The following NAV2 variants were observed in gnomAD, a reference collection of about 807,000 sequenced individuals.
The protein encoded by NAV2 is helicase, APC down-regulated 1.
NAV2 carries 54 observed loss-of-function variants against 223.2 expected under a neutral mutation model. The observed-to-expected ratio is 0.24, with a 90% CI of 0.19 to 0.30. The LOEUF is 0.30. Among genes scored for constraint, NAV2 ranks in the 10% least tolerant of loss-of-function variants. The pLI, the probability that NAV2 is intolerant of heterozygous loss-of-function variation, is 1.00. For missense variants in NAV2, 2,806 were observed against 3,147.5 expected, an observed-to-expected ratio of 0.89 and a Z score of 2.60; for synonymous variants, 1,279 against 1,239.3, an observed-to-expected ratio of 1.03 and a Z score of -0.67.
At chr11:19,751,910 C>T (rs922240950) in intron 1 of NAV2, among the ~76,000 whole-genome samples, 1 of 152,138 alleles carries the variant, frequency 6.6e-6, no homozygotes, top group African/African-American at 2.4e-5. Flanking sequence ...TGGTCAACTA[C>T]TAGCTCACAC....
In NAV2 at chr11:20,044,107, C is replaced by T. The variant is rs2153583430; in HGVS notation, c.3034C>T (p.Pro1012Ser). 1 of 1,614,200 alleles carries T rather than the reference C, an allele frequency of 6.2e-7. No homozygotes were observed. The highest frequency in any genetic ancestry group is 8.5e-7 in the Non-Finnish European group (1 of 1,180,028). ...GCCAGGTTCCAAGTGGAGGCGGAAT[C>T]CTTCTGATGTGTCTGACGAGTCCGA... ...MEPGSKWRRN[P>S]SDVSDESDKS... is the part of the protein sequence containing the mutation. Residue 1012 changes from proline to serine, a missense_variant, in exon 13 of 38, where the codon CCT (proline) becomes TCT (serine). Transcript: ENST00000349880.
At chr11:19,722,931 T>C (rs1020890669) in intron 1 of NAV2, among the ~76,000 whole-genome samples, 1 of 152,340 alleles carries the variant, frequency 6.6e-6, no homozygotes. Context: ...CGGAGGCAGA[T>C]TCCTTTGCAC....
At chr11:19,990,035 T>C (rs2051172284) in intron 11 of NAV2, among the ~76,000 whole-genome samples, 1 of 152,142 alleles carries the variant, frequency 6.6e-6, no homozygotes, top group African/African-American at 2.4e-5. Flanking sequence ...GCAAAATGAT[T>C]CACATTAAGA....
At chr11:19,578,586 G>A (rs557226760) in intron 1 of NAV2, among the ~76,000 whole-genome samples, 1 of 152,318 alleles carries the variant, frequency 6.6e-6, no homozygotes, top group Admixed American at 6.5e-5. Flanking sequence ...TGCCCTGGAG[G>A]TCAGTTCCTC....
intron 1 of NAV2, among the ~76,000 whole-genome samples, chr11:19,358,246 G>C (rs1169444786): frequency 2.6e-5 from 4 of 152,198 alleles, no homozygotes; most frequent in Non-Finnish European, 5.9e-5. Flanking sequence ...TTACAACGCA[G>C]CTTCTTCCAA....
chr11:19,943,337 C>CACAT (rs2046563463), intron 8 of NAV2, among the ~76,000 whole-genome samples: 1 of 151,798 alleles, frequency 6.6e-6, no homozygotes, highest in Non-Finnish European at 1.5e-5. Context: ...TTTAAAAAAA[C>CACAT]ACATACATAT....
At chr11:19,517,894 C>T (rs539773298) in intron 1 of NAV2, among the ~76,000 whole-genome samples, 2 of 152,350 alleles carry the variant, frequency 1.3e-5, no homozygotes, top group South Asian at 4.1e-4. Context: ...AACAACTTTG[C>T]ATTAAGATGG....
chr11:19,492,585 G>A (rs2042666284), intron 1 of NAV2, among the ~76,000 whole-genome samples: 1 of 151,936 alleles, frequency 6.6e-6, no homozygotes, highest in Non-Finnish European at 1.5e-5. Flanking sequence ...CCACTTCATG[G>A]GGCACAGTAT....
At chr11:19,610,784 AGATGGATGGATGGATGGGGCAGTG>A (rs2046617576) in intron 1 of NAV2, among the ~76,000 whole-genome samples, 1 of 151,716 alleles carries the variant, frequency 6.6e-6, no homozygotes, top group East Asian at 1.9e-4. Context: ...GTGGATGGAC[AGATGGATGGATGGATGGGGCAGTG>A]GATGGATGGA....
At chr11:19,891,388 C>G (rs1397782487) in intron 5 of NAV2, among the ~76,000 whole-genome samples, 1 of 152,146 alleles carries the variant, frequency 6.6e-6, no homozygotes, top group Non-Finnish European at 1.5e-5. Context: ...TTCCCTGGAC[C>G]AAAATCCTGA....
chr11:19,728,668 A>G (rs932437230), intron 1 of NAV2, among the ~76,000 whole-genome samples: 2 of 152,220 alleles, frequency 1.3e-5, no homozygotes, highest in African/African-American at 4.8e-5. Flanking sequence ...AAATGCGATC[A>G]TGTGGATGAG....
chr11:20,021,133 G>A (rs956764668), intron 11 of NAV2, among the ~76,000 whole-genome samples: 3 of 151,924 alleles, frequency 2.0e-5, no homozygotes, highest in South Asian at 2.1e-4. Context: ...TTTACAATAC[G>A]TTGTTCTCCC....
chr11:19,963,510 G>T (rs2048513207), intron 10 of NAV2, among the ~76,000 whole-genome samples: 1 of 152,160 alleles, frequency 6.6e-6, no homozygotes, highest in South Asian at 2.1e-4. Context: ...TACTCCCAGT[G>T]CCATTTGAAG....
At chr11:19,675,591 C>T (rs2048692851) in intron 1 of NAV2, among the ~76,000 whole-genome samples, 1 of 152,192 alleles carries the variant, frequency 6.6e-6, no homozygotes, top group South Asian at 2.1e-4. Context: ...TCAATAAATA[C>T]CTGTGGAATG....
chr11:19,629,792 A>G (rs1006277650), intron 1 of NAV2, among the ~76,000 whole-genome samples: 20 of 151,948 alleles, frequency 1.3e-4, no homozygotes, highest in African/African-American at 4.8e-4. Context: ...ACTAAATCAC[A>G]CCCTGCACTT....
In NAV2 at chr11:20,067,256, C is replaced by A. The variant is rs572365956; in HGVS notation, c.4885-930C>A. 2.6e-4 allele frequency among the ~76,000 whole-genome samples: 39 copies of A among 152,226 alleles called. No homozygotes were observed. In the South Asian group the frequency reaches 7.9e-3, roughly 31 times the overall value. ...GGCTGATAGGGGCTCCCAAACCCCC[C>A]TCACTTTGAGATCTTTCTACCCTGG... On this transcript the variant is annotated intron_variant, in intron 20 of 37. Transcript: ENST00000349880.
At chr11:19,415,350 A>G (rs1850321597) in intron 1 of NAV2, among the ~76,000 whole-genome samples, 1 of 152,238 alleles carries the variant, frequency 6.6e-6, no homozygotes. Context: ...TCTAGAAGAA[A>G]TAGATAAATT....
In NAV2 at chr11:19,842,935, A is replaced by T. The variant is rs190238152; in HGVS notation, c.438+12A>T. ...ACAGATCCCAAATGGTAAGTGGTGC[A>T]TAGGTAGTAAATGTTTGAGTTCTGT... On this transcript the variant is annotated intron_variant, in intron 3 of 37. Transcript: ENST00000349880. The T allele has an allele frequency of 4.5e-5, 72 of 1,612,660 alleles. No homozygotes were observed. The East Asian group carries it at 1.4e-3, about 31-fold the overall frequency.
chr11:19,789,388 T>C (rs2057366104), intron 1 of NAV2, among the ~76,000 whole-genome samples: 1 of 152,196 alleles, frequency 6.6e-6, no homozygotes, highest in Non-Finnish European at 1.5e-5. Flanking sequence ...TTCTCAAACT[T>C]TCAGGGAGAG....
Sources: allele counts gnomAD v4.1 joint callset (sites outside exome capture counted in the v4.1 genomes callset), GRCh38; gene constraint gnomAD v4.1.1; transcripts MANE v1.5; gene names NCBI Gene and HGNC (gene_info 2026-07-23, HGNC 2026-07-21).